Variants in GTF2F2 observed in about 807,000 individuals in gnomAD.
GTF2F2 encodes the protein ATP-dependent helicase GTF2F2.
In GTF2F2, 23 loss-of-function variants were observed where a neutral mutation model predicts 42.2. The ratio of observed to expected loss-of-function variants is 0.55; its 90% CI spans 0.39 to 0.77. The LOEUF (loss-of-function observed/expected upper bound fraction) is 0.77. GTF2F2 is among the 30% of genes least tolerant of loss of function. The probability of loss-of-function intolerance (pLI) is 0.00; values close to 1 mark genes in which losing one functional copy is unlikely to be tolerated. For missense variants in GTF2F2, 261 were observed against 287.2 expected (o/e 0.91, Z 0.66); for synonymous variants, 105 against 100.8 (o/e 1.04, Z -0.25).
intron 5 of GTF2F2, among the ~76,000 whole-genome samples, chr13:45,212,075 C>G (rs1873672586): frequency 6.6e-6 from 1 of 151,986 alleles, no homozygotes; most frequent in South Asian, 2.1e-4. Context: ...GGCATAGCAA[C>G]GTGGTAGTGC....
chr13:45,176,645 G>A (rs889255300), intron 4 of GTF2F2, among the ~76,000 whole-genome samples: 1 of 152,090 alleles, frequency 6.6e-6, no homozygotes, highest in Non-Finnish European at 1.5e-5. Context: ...TGTCAGTCTT[G>A]TCTTTGTGGC....
chr13:45,212,878 A>G (rs1873748116), intron 5 of GTF2F2, among the ~76,000 whole-genome samples: 1 of 151,814 alleles, frequency 6.6e-6, no homozygotes, highest in South Asian at 2.1e-4. Context: ...AGTAGCTGGA[A>G]GTACAGGCAT....
intron 4 of GTF2F2, among the ~76,000 whole-genome samples, chr13:45,201,994 A>G (rs1873209324): frequency 6.6e-6 from 1 of 152,180 alleles, no homozygotes; most frequent in South Asian, 2.1e-4. Flanking sequence ...CACAGAGGCC[A>G]TTCCTACCAC....
chr13:45,266,147 A>G (rs1876551772), intron 6 of GTF2F2, among the ~76,000 whole-genome samples: 2 of 152,232 alleles, frequency 1.3e-5, no homozygotes, highest in African/African-American at 2.4e-5. Context: ...ATGGAGGTAC[A>G]CAAAACTGCA....
At chr13:45,180,286 C>G (rs186156065) in intron 4 of GTF2F2, among the ~76,000 whole-genome samples, 5 of 152,140 alleles carry the variant, frequency 3.3e-5, no homozygotes, top group Non-Finnish European at 7.4e-5. Context: ...TTCACAGTTA[C>G]ATCTCTTTTC....
intron 5 of GTF2F2, among the ~76,000 whole-genome samples, chr13:45,230,041 C>T (rs1309920991): frequency 6.6e-6 from 1 of 151,884 alleles, no homozygotes; most frequent in South Asian, 2.1e-4. Context: ...CATGGTGAAA[C>T]CTTATCTCTA....
intron 4 of GTF2F2, among the ~76,000 whole-genome samples, chr13:45,200,897 C>A (rs574477659): frequency 1.3e-5 from 2 of 152,262 alleles, no homozygotes; most frequent in East Asian, 3.9e-4. Flanking sequence ...AATTAAGAGT[C>A]AGGAGAGTAA....
chr13:45,212,528 CTCTT>C (rs1182068867), intron 5 of GTF2F2, among the ~76,000 whole-genome samples: 3 of 99,188 alleles, frequency 3.0e-5, no homozygotes, highest in Admixed American at 2.3e-4. Flanking sequence ...TTCTCTTTCT[CTCTT>C]TCTCACTTTC....
intron 4 of GTF2F2, among the ~76,000 whole-genome samples, chr13:45,205,405 A>G (rs1873372572): frequency 6.6e-6 from 1 of 152,212 alleles, no homozygotes; most frequent in African/African-American, 2.4e-5. Flanking sequence ...ATAATTTGAG[A>G]TGAGATTTGG....
chr13:45,170,027 T>A (rs1271272864), intron 4 of GTF2F2, among the ~76,000 whole-genome samples: 1 of 152,138 alleles, frequency 6.6e-6, no homozygotes, highest in Non-Finnish European at 1.5e-5. Flanking sequence ...GACTGGTTAT[T>A]TATTTATTTA....
rs866371686 is a variant in GTF2F2 at position 45,128,038 on chromosome 13, G to A, written c.66+7317G>A. Among the ~76,000 whole-genome samples, 6 of 132,332 alleles carry A rather than the reference G, an allele frequency of 4.5e-5. 1 individual carries two copies. The Middle Eastern group carries it at 0.015, about 321-fold the overall frequency. The allele number at this position is 132,332 out of a possible 152,430, so 86.8% of individuals were successfully genotyped here. A position where few individuals can be genotyped will look rare whatever the true frequency, so the allele number is the denominator to read the frequency against. ...TGCAGTGGCGCGATCTCGACTCACTGCAAGCTCTGCCTCCCGGATTCACGC... is the reference window on the plus strand; with the variant it reads ...TGCAGTGGCGCGATCTCGACTCACTACAAGCTCTGCCTCCCGGATTCACGC... On this transcript the variant is annotated intron_variant, in intron 1 of 7. Transcript: ENST00000340473.
At chr13:45,181,200 A>AAAAAAAAAAAAACAAAAAAAC (rs766375703) in intron 4 of GTF2F2, among the ~76,000 whole-genome samples, 1 of 132,832 alleles carries the variant, frequency 7.5e-6, no homozygotes, top group African/African-American at 2.8e-5. Flanking sequence ...AAAAAAAAAA[A>AAAAAAAAAAAAACAAAAAAAC]AAACCAGAAA....
At chr13:45,199,237 T>C (rs186021576) in intron 4 of GTF2F2, among the ~76,000 whole-genome samples, 13 of 152,308 alleles carry the variant, frequency 8.5e-5, no homozygotes, top group African/African-American at 3.1e-4. Context: ...CCCAGGAAAA[T>C]TGCCTACATT....
intron 5 of GTF2F2, among the ~76,000 whole-genome samples, chr13:45,249,370 GTT>G (rs1371385646): frequency 7.7e-6 from 1 of 129,228 alleles, no homozygotes; most frequent in African/African-American, 4.2e-5. Context: ...TTTAAAATGA[GTT>G]TATTTTTAAA....
intron 6 of GTF2F2, among the ~76,000 whole-genome samples, chr13:45,262,737 T>G (rs1199741783): frequency 2.0e-5 from 3 of 151,766 alleles, no homozygotes; most frequent in Non-Finnish European, 2.9e-5. Context: ...ATTTTGTTAT[T>G]TATTTATTTA....
At chr13:45,281,876 C>G (rs1877281230) in intron 7 of GTF2F2, among the ~76,000 whole-genome samples, 1 of 152,176 alleles carries the variant, frequency 6.6e-6, no homozygotes, top group Non-Finnish European at 1.5e-5. Context: ...TTGCTTTGTT[C>G]TGCAACAACA....
intron 6 of GTF2F2, among the ~76,000 whole-genome samples, chr13:45,253,537 C>A (rs188846553): frequency 6.6e-6 from 1 of 152,300 alleles, no homozygotes; most frequent in Non-Finnish European, 1.5e-5. Flanking sequence ...AAACTTTATG[C>A]AGTTTCAGTG....
At chr13:45,125,897 GGAT>G (rs1158446785) in intron 1 of GTF2F2, among the ~76,000 whole-genome samples, 1 of 151,784 alleles carries the variant, frequency 6.6e-6, no homozygotes, top group Admixed American at 6.6e-5. Flanking sequence ...TGAAAAGCCA[GGAT>G]GATTCCACAG....
At chr13:45,276,535 C>T (rs1877044105) in intron 7 of GTF2F2, among the ~76,000 whole-genome samples, 1 of 151,652 alleles carries the variant, frequency 6.6e-6, no homozygotes, top group Non-Finnish European at 1.5e-5. Flanking sequence ...CTCCCGAGTT[C>T]AAGTGATTCT....
Sources: allele counts gnomAD v4.1 joint callset (sites outside exome capture counted in the v4.1 genomes callset), GRCh38; gene constraint gnomAD v4.1.1; transcripts MANE v1.5; gene names NCBI Gene and HGNC (gene_info 2026-07-23, HGNC 2026-07-21).